Variants in RBFOX1 observed in about 807,000 individuals in gnomAD.
The protein encoded by RBFOX1 is RNA binding fox-1 homolog 1.
A neutral mutation model predicts 57.7 loss-of-function variants in RBFOX1; 8 were observed. The observed-to-expected ratio is 0.14, with a 90% confidence interval of 0.08 to 0.25. The LOEUF (loss-of-function observed/expected upper bound fraction) is 0.25. RBFOX1 is among the 10% of genes least tolerant of loss of function. The probability of loss-of-function intolerance (pLI) is 1.00; values close to 1 mark genes in which losing one functional copy is unlikely to be tolerated. For missense variants in RBFOX1, 611 were observed against 548.5 expected (o/e 1.11, Z -1.14); for synonymous variants, 326 against 222.4 (o/e 1.47, Z -4.15).
At chr16:7,173,662 T>G (rs1260681141) in intron 4 of RBFOX1, among the ~76,000 whole-genome samples, 1 of 152,160 alleles carries the variant, frequency 6.6e-6, no homozygotes, top group Admixed American at 6.5e-5. Flanking sequence ...TAATTAAGAC[T>G]GAGAATGGCT....
intron 4 of RBFOX1, among the ~76,000 whole-genome samples, chr16:7,439,259 G>C (rs980825528): frequency 6.6e-6 from 1 of 152,034 alleles, no homozygotes; most frequent in Admixed American, 6.6e-5. Context: ...TCATGCCCCA[G>C]TGGCTCTTCT....
intron 4 of RBFOX1, among the ~76,000 whole-genome samples, chr16:7,251,523 G>A (rs556871705): frequency 1.3e-5 from 2 of 150,348 alleles, no homozygotes; most frequent in Admixed American, 1.3e-4. Flanking sequence ...TGATTTTCCT[G>A]CCTCAGACTC....
intron 3 of RBFOX1, among the ~76,000 whole-genome samples, chr16:6,900,769 C>T (rs72770656): frequency 1.8e-4 from 28 of 152,284 alleles, no homozygotes; most frequent in South Asian, 4.2e-4. Context: ...ACGTGTAAGA[C>T]CCTCTCCTCT....
chr16:7,079,996 TTG>T lies in RBFOX1; in HGVS notation c.27+27902_27+27903del, dbSNP rs535423209. Among the ~76,000 whole-genome samples, 1,459 of 148,000 alleles carry T rather than the reference TTG, an allele frequency of 9.9e-3. 30 individuals carry two copies. Among genetic ancestry groups the T allele is most frequent in the African/African-American group, 0.034 (1,375 of 40,442 alleles). ...TAAATTAGTTAAAATATTAAATTCA[TTG>T]TGTATATATATATACATATATATAC... is the stretch of plus-strand genomic sequence containing the variant. On this transcript the variant is annotated intron_variant, in intron 4 of 15. Transcript: ENST00000550418.
At chr16:6,754,382 G>A (rs148750792) in intron 3 of RBFOX1, among the ~76,000 whole-genome samples, 1 of 152,280 alleles carries the variant, frequency 6.6e-6, no homozygotes, top group African/African-American at 2.4e-5. Context: ...AAATTTATTT[G>A]TAAAAGCAAA....
chr16:7,141,608 G>T (rs956615861), intron 4 of RBFOX1, among the ~76,000 whole-genome samples: 1 of 152,120 alleles, frequency 6.6e-6, no homozygotes, highest in Non-Finnish European at 1.5e-5. Context: ...AAGATTGCAT[G>T]TTCATTAACA....
intron 4 of RBFOX1, among the ~76,000 whole-genome samples, chr16:7,310,199 C>G (rs1041522473): frequency 6.6e-5 from 10 of 152,206 alleles, no homozygotes; most frequent in African/African-American, 2.4e-4. Flanking sequence ...GCCGCCTCTG[C>G]TGGGAGACAG....
rs547231984 is a variant in RBFOX1 at position 5,248,850 on chromosome 16, G to C, written c.219+8745G>C. Among the ~76,000 whole-genome samples the C allele has an allele frequency of 1.7e-4, 26 of 152,152 alleles. 2 individuals carry two copies. In the South Asian group the frequency reaches 5.2e-3, roughly 30 times the overall value. On this transcript the variant is annotated intron_variant, in intron 1 of 2. Transcript: ENST00000585867. ...ATAAAAATACAATAATTAGCTGGGC[G>C]ATGTGTGGACACCTATAATCCCAGC...
At chr16:5,307,070 G>T (rs1567311404) in intron 1 of RBFOX1, among the ~76,000 whole-genome samples, 1 of 151,994 alleles carries the variant, frequency 6.6e-6, no homozygotes, top group Non-Finnish European at 1.5e-5. Context: ...GTGGGGGGTG[G>T]AGTGGGGGAG....
At chr16:6,115,878 A>T (rs1013258462) in intron 1 of RBFOX1, among the ~76,000 whole-genome samples, 6 of 152,166 alleles carry the variant, frequency 3.9e-5, no homozygotes, top group Admixed American at 1.3e-4. Context: ...TTGTTAAGGA[A>T]TAGGAAAGTA....
chr16:5,757,432 A>G (rs1415071786), intron 3 of RBFOX1, among the ~76,000 whole-genome samples: 1 of 151,762 alleles, frequency 6.6e-6, no homozygotes, highest in Non-Finnish European at 1.5e-5. Context: ...GGGTTTCACC[A>G]TTTTGGCCGG....
At chr16:7,147,813 A>G (rs966537224) in intron 4 of RBFOX1, among the ~76,000 whole-genome samples, 2 of 151,886 alleles carry the variant, frequency 1.3e-5, no homozygotes, top group South Asian at 2.1e-4. Flanking sequence ...AGAACGATTT[A>G]TTTTTCTTTG....
At chr16:7,372,196 T>C (rs187191930) in intron 4 of RBFOX1, among the ~76,000 whole-genome samples, 175 of 152,274 alleles carry the variant, frequency 1.1e-3, no homozygotes, top group African/African-American at 4.1e-3. Context: ...CACATCACTT[T>C]CTCACCATCA....
intron 1 of RBFOX1, among the ~76,000 whole-genome samples, chr16:5,405,980 G>C (rs187734942): frequency 1.1e-4 from 17 of 152,270 alleles, no homozygotes; most frequent in Admixed American, 2.6e-4. Context: ...GTCTGGACTT[G>C]TCTCTCTCTG....
At chr16:6,054,727 C>T (rs921778642) in intron 1 of RBFOX1, among the ~76,000 whole-genome samples, 2 of 152,196 alleles carry the variant, frequency 1.3e-5, no homozygotes, top group Admixed American at 1.3e-4. Flanking sequence ...CAGATTTGCA[C>T]ACATCTTCAC....
chr16:6,006,417 TAGTAGTC>T (rs1454283465), intron 4 of RBFOX1, among the ~76,000 whole-genome samples: 2 of 151,658 alleles, frequency 1.3e-5, no homozygotes, highest in Non-Finnish European at 2.9e-5. Context: ...CTGCTGGAGT[TAGTAGTC>T]AGTAGAATAT....
intron 4 of RBFOX1, among the ~76,000 whole-genome samples, chr16:7,054,820 TCATTAGTG>T (rs1199438971): frequency 1.3e-5 from 2 of 152,164 alleles, no homozygotes; most frequent in Non-Finnish European, 2.9e-5. Context: ...CGAGGGTCCT[TCATTAGTG>T]CATTCTGTTG....
intron 2 of RBFOX1, among the ~76,000 whole-genome samples, chr16:6,490,221 T>C (rs151308543): frequency 8.8e-4 from 134 of 152,330 alleles, no homozygotes; most frequent in African/African-American, 2.6e-3. Flanking sequence ...AAATGCCAAT[T>C]TGACACATTT....
At chr16:7,410,770 G>C (rs1468543891) in intron 4 of RBFOX1, among the ~76,000 whole-genome samples, 1 of 151,970 alleles carries the variant, frequency 6.6e-6, no homozygotes, top group Non-Finnish European at 1.5e-5. Context: ...TTAGACTGAT[G>C]CTCCTAATTC....
Sources: gnomAD v4.1 joint callset for allele counts (sites outside exome capture counted in the v4.1 genomes callset) on GRCh38, gnomAD v4.1.1 for gene constraint, MANE v1.5 for transcripts, NCBI Gene and HGNC (gene_info 2026-07-23, HGNC 2026-07-21) for gene names.